GLCCI1: variants seen among roughly 807,000 people sequenced by gnomAD.
GLCCI1 encodes the protein glucocorticoid induced 1.
GLCCI1 carries 24 observed loss-of-function variants against 52.2 expected under a neutral mutation model. The ratio of observed to expected loss-of-function variants is 0.46; its 90% CI spans 0.33 to 0.65. The LOEUF is 0.65. Among genes scored for constraint, GLCCI1 ranks in the 30% least tolerant of loss-of-function variants. The pLI is 0.02. For synonymous variants in GLCCI1, 310 were observed against 276.5 expected (o/e 1.12, Z -1.20); for missense variants, 704 against 701.5 (o/e 1.00, Z -0.04).
intron 3 of GLCCI1, 73 bp from the exon 4 acceptor site, chr7:8,055,360 A>T (rs1435533350): frequency 6.9e-6 from 6 of 867,168 alleles, no homozygotes; most frequent in African/African-American, 5.1e-5. Flanking sequence ...GTACCCCAAA[A>T]CTGAAGAAAT....
rs1782747922 is a variant in GLCCI1 at position 8,070,934 on chromosome 7, C to T, written c.980C>T (p.Pro327Leu). ...TTCCTCTTACAGCCGTTGGACATAC[C>T]AGATGGTCGAAGAGCTCCACTTCCT... ...KEEVSKPLDIPDGRRAPLPAH... is the reference protein window; with the variant it reads ...KEEVSKPLDILDGRRAPLPAH... The change falls in exon 6 of 8, where the codon CCA (proline) becomes CTA (leucine). Residue 327 changes from proline (P) to leucine (L), a missense_variant. Pro to Leu is a moderately conservative substitution (Grantham distance 98). Coordinates refer to ENST00000223145, the MANE Select transcript of GLCCI1 (RefSeq NM_138426.4). 6.2e-7 allele frequency: 1 copy of T among 1,613,770 alleles called. No individual in the cohort carries two copies. The highest frequency in any genetic ancestry group is 1.7e-5 in the Admixed American group (1 of 59,998).
intron 2 of GLCCI1, among the ~76,000 whole-genome samples, chr7:8,019,073 A>G (rs995193813): frequency 6.6e-6 from 1 of 152,222 alleles, no homozygotes; most frequent in Non-Finnish European, 1.5e-5. Context: ...CTTCTTAATC[A>G]TCAGCTTTAA....
intron 1 of GLCCI1, chr7:7,981,583 A>T (rs1780622723): frequency 5.1e-6 from 1 of 194,854 alleles, no homozygotes; most frequent in African/African-American, 2.4e-5. Context: ...CTGGCCTCCC[A>T]AAGTGCTGGG....
At chr7:7,975,680 C>T (rs1397294156) in intron 1 of GLCCI1, among the ~76,000 whole-genome samples, 1 of 152,102 alleles carries the variant, frequency 6.6e-6, no homozygotes, top group African/African-American at 2.4e-5. Flanking sequence ...AAATGTGAGA[C>T]CTAGTTTGTT....
chr7:8,077,957 G>A (rs557304093), intron 6 of GLCCI1, among the ~76,000 whole-genome samples: 7 of 152,210 alleles, frequency 4.6e-5, no homozygotes, highest in East Asian at 3.9e-4. Flanking sequence ...TATTTAGGCC[G>A]GGCGCGGTGG....
At chr7:8,080,994 A>G (rs1327720019) in intron 6 of GLCCI1, among the ~76,000 whole-genome samples, 2 of 151,900 alleles carry the variant, frequency 1.3e-5, no homozygotes, top group African/African-American at 2.4e-5. Context: ...ATCCTTTTAC[A>G]TATATTTTTC....
At chr7:8,057,206 C>T (rs1782416894) in intron 4 of GLCCI1, among the ~76,000 whole-genome samples, 1 of 151,920 alleles carries the variant, frequency 6.6e-6, no homozygotes. Flanking sequence ...GATATCAATC[C>T]ATGAGAAATA....
At chr7:8,051,531 T>C (rs1782258729) in intron 3 of GLCCI1, among the ~76,000 whole-genome samples, 1 of 152,228 alleles carries the variant, frequency 6.6e-6, no homozygotes, top group African/African-American at 2.4e-5. Context: ...TGACTTAGTA[T>C]TGAGGATATA....
chr7:8,043,530 A>G (rs1417727344), intron 3 of GLCCI1, among the ~76,000 whole-genome samples: 3 of 152,230 alleles, frequency 2.0e-5, no homozygotes, highest in Admixed American at 6.5e-5. Flanking sequence ...AGGCAAATCT[A>G]TAGAAAGGAA....
At position 8,086,543 on chromosome 7, in the gene GLCCI1, G is replaced by C; in HGVS notation, c.*5G>C. 1.3e-6 allele frequency: 2 copies of C among 1,570,844 alleles called. No individual in the cohort carries two copies. Among genetic ancestry groups the C allele is most frequent in the South Asian group, 1.2e-5 (1 of 84,022 alleles). ...CAGAACTATGTGATCATCTAAAAAA[G>C]GGGGAGCTGGCCTCCACCCTATGTT... is the stretch of plus-strand genomic sequence containing the variant. On this transcript the variant is annotated 3_prime_UTR_variant, in exon 8 of 8. Transcript: ENST00000223145. This position sits in a 1 kb window ranked among gnomAD's most constrained non-coding sequence, Gnocchi z 4.4.
At chr7:8,049,635 C>T (rs193263661) in intron 3 of GLCCI1, among the ~76,000 whole-genome samples, 16 of 152,154 alleles carry the variant, frequency 1.1e-4, no homozygotes, top group African/African-American at 3.9e-4. Context: ...TTAATCGCTT[C>T]ATTAAATTTT....
chr7:8,080,510 C>G (rs985696834), intron 6 of GLCCI1, among the ~76,000 whole-genome samples: 33 of 151,460 alleles, frequency 2.2e-4, no homozygotes, highest in Admixed American at 1.8e-3. Context: ...TCTCTTTACA[C>G]TAAAGGATGC....
At chr7:8,071,419 G>T (rs1328171218) in intron 6 of GLCCI1, among the ~76,000 whole-genome samples, 1 of 152,074 alleles carries the variant, frequency 6.6e-6, no homozygotes, top group African/African-American at 2.4e-5. Context: ...CTTTTCCTTG[G>T]TATTGTCCAG....
At chr7:8,037,652 C>T (rs898337916) in intron 3 of GLCCI1, among the ~76,000 whole-genome samples, 6 of 152,024 alleles carry the variant, frequency 3.9e-5, no homozygotes, top group Non-Finnish European at 7.4e-5. Flanking sequence ...ACAAGAAATC[C>T]ACCTAACTGC....
chr7:7,989,552 T>A lies in GLCCI1; in HGVS notation c.458-14356T>A, dbSNP rs185093808. Among the ~76,000 whole-genome samples, 71 of 152,276 alleles carry A rather than the reference T, an allele frequency of 4.7e-4. 1 individual carries two copies. The highest frequency in any genetic ancestry group is 1.7e-3 in the African/African-American group (69 of 41,576). ...ACATAAAGAATATTAACGAGAAATA[T>A]GGAGCTATTCTACTTGAGGCTCTTC... On this transcript the variant is annotated intron_variant, in intron 1 of 7. Transcript: ENST00000223145.
At position 8,086,307 on chromosome 7, in the gene GLCCI1, T is replaced by C; in HGVS notation, c.1413T>C (p.Pro471=). 1 of 1,614,136 alleles carries C rather than the reference T, an allele frequency of 6.2e-7. No homozygotes were observed. Among genetic ancestry groups the C allele is most frequent in the Non-Finnish European group, 8.5e-7 (1 of 1,179,960 alleles). The change falls in exon 8 of 8, where the codon CCT becomes CCC. Residue 471 remains proline, a synonymous_variant. Transcript: ENST00000223145. The surrounding 1 kb of genome is among the most constrained non-coding windows in gnomAD (Gnocchi z 4.4). ...CPVKLLGPLL[P]ASDLMLKNSP... is the part of the protein sequence containing the mutation. ...TAAAACTTCTAGGCCCCCTCTTACC[T>C]GCTTCTGACCTTATGCTCAAGAACT...
chr7:8,023,118 C>T (rs541130854), intron 3 of GLCCI1, among the ~76,000 whole-genome samples: 88 of 152,310 alleles, frequency 5.8e-4, no homozygotes, highest in African/African-American at 2.1e-3. Flanking sequence ...CAGGTTCACG[C>T]CATTCTCCTG....
At chr7:7,973,413 CGTGTGTGT>C (rs57135358) in intron 1 of GLCCI1, among the ~76,000 whole-genome samples, 3 of 147,590 alleles carry the variant, frequency 2.0e-5, no homozygotes, top group South Asian at 4.4e-4. Flanking sequence ...TCTTTGTGTG[CGTGTGTGT>C]GTGTGTGTGT....
In GLCCI1 at chr7:8,071,065, T is replaced by G. The variant is rs763164331; in HGVS notation, c.1111T>G (p.Cys371Gly). 1.2e-6 allele frequency: 2 copies of G among 1,614,246 alleles called. No homozygotes were observed. The change falls in exon 6 of 8, where the codon TGT (cysteine) becomes GGT (glycine). Residue 371 changes from cysteine (C) to glycine (G), a missense_variant. Cys to Gly is a radical substitution (Grantham distance 159). Coordinates refer to ENST00000223145, the MANE Select transcript of GLCCI1 (RefSeq NM_138426.4). Reference sequence around the variant, plus strand: ...TCATTCACCCTGTGTCTCCCCTTTTTGTCCCCCGGAATCCCAGGATGGTAG... The same window carrying G: ...TCATTCACCCTGTGTCTCCCCTTTTGGTCCCCCGGAATCCCAGGATGGTAG... ...SSHSPCVSPF[C>G]PPESQDGSPC...
Sources: allele counts gnomAD v4.1 joint callset (sites outside exome capture counted in the v4.1 genomes callset), GRCh38; gene constraint gnomAD v4.1.1; non-coding constraint Gnocchi (gnomAD v3.1); transcripts MANE v1.5; gene names NCBI Gene and HGNC (gene_info 2026-07-23, HGNC 2026-07-21).